The following TXNRD1 variants were observed in gnomAD, a reference collection of about 807,000 sequenced individuals.
TXNRD1 encodes the protein thioredoxin reductase 1, cytoplasmic.
TXNRD1 carries 57 observed loss-of-function variants against 80.3 expected under a neutral mutation model. That is an observed-to-expected ratio of 0.71 (90% CI 0.57 to 0.89). The LOEUF (loss-of-function observed/expected upper bound fraction) is 0.89. Among genes scored for constraint, TXNRD1 ranks in the 40% least tolerant of loss-of-function variants. The pLI, the probability that TXNRD1 is intolerant of heterozygous loss-of-function variation, is 0.00. For missense variants in TXNRD1, 730 were observed against 803.0 expected, an observed-to-expected ratio of 0.91 and a Z score of 1.10; for synonymous variants, 291 against 285.2, an observed-to-expected ratio of 1.02 and a Z score of -0.20.
chr12:104,242,757 C>T (rs1469046502), intron 1 of TXNRD1, among the ~76,000 whole-genome samples: 1 of 152,080 alleles, frequency 6.6e-6, no homozygotes, highest in African/African-American at 2.4e-5. Flanking sequence ...CAAGACTAAC[C>T]CCCACCCTCT....
intron 1 of TXNRD1, among the ~76,000 whole-genome samples, chr12:104,219,713 C>A (rs2032306148): frequency 6.6e-6 from 1 of 152,150 alleles, no homozygotes; most frequent in Non-Finnish European, 1.5e-5. Context: ...TATCTTATCT[C>A]CTACAGTCCT....
intron 4 of TXNRD1, chr12:104,304,109 G>T: frequency 6.2e-7 from 1 of 1,614,026 alleles, no homozygotes; most frequent in Admixed American, 1.7e-5. Flanking sequence ...GGAGGACATC[G>T]TGAGCTCGGC....
intron 14 of TXNRD1, 32 bp from the exon 15 acceptor site, chr12:104,334,205 T>A: frequency 2.5e-6 from 3 of 1,180,472 alleles, no homozygotes; most frequent in Non-Finnish European, 3.5e-6. Flanking sequence ...TTTAAAATAA[T>A]GGGTCTAAAT....
chr12:104,235,816 T>A (rs1416429892), intron 1 of TXNRD1, among the ~76,000 whole-genome samples: 10 of 152,182 alleles, frequency 6.6e-5, no homozygotes, highest in Admixed American at 6.5e-4. Flanking sequence ...TTGTTTCATG[T>A]CCTTGGGAAC....
chr12:104,290,847 G>A, intron 4 of TXNRD1: 1 of 452,698 alleles, frequency 2.2e-6, no homozygotes, highest in Non-Finnish European at 3.9e-6. Flanking sequence ...TGATCTTTAT[G>A]TAATTCTACT....
In TXNRD1 at chr12:104,319,534, A is replaced by G; in HGVS notation, c.938A>G (p.Glu313Gly). ...GAGAGATTTCTCATTGCCACTGGTG[A>G]AAGACCACGTTACTTGGGCATCCCT... is the stretch of plus-strand genomic sequence containing the variant. ...SAERFLIATG[E>G]RPRYLGIPGD... The change falls in exon 9 of 17, where the codon GAA becomes GGA. Residue 313 changes from glutamate to glycine, a missense_variant. Transcript: ENST00000525566. The G allele has an allele frequency of 6.2e-7, 1 of 1,605,914 alleles. No individual in the cohort carries two copies. Among genetic ancestry groups the G allele is most frequent in the Non-Finnish European group, 8.5e-7 (1 of 1,176,072 alleles).
intron 1 of TXNRD1, chr12:104,224,866 C>G: frequency 2.2e-6 from 1 of 456,676 alleles, no homozygotes; most frequent in Middle Eastern, 3.3e-4. Flanking sequence ...CTGCCCCTGA[C>G]TCACTGGAAT....
At chr12:104,265,267 A>T in intron 3 of TXNRD1, 8 of 1,527,176 alleles carry the variant, frequency 5.2e-6, no homozygotes, top group Non-Finnish European at 6.2e-6. Context: ...AAAAAAAAAA[A>T]AACTTCCTTT....
At chr12:104,226,582 G>A (rs899467095) in intron 1 of TXNRD1, among the ~76,000 whole-genome samples, 1 of 152,200 alleles carries the variant, frequency 6.6e-6, no homozygotes, top group African/African-American at 2.4e-5. Context: ...GAGAATTAGA[G>A]TGAAGAGAAC....
intron 1 of TXNRD1, chr12:104,224,779 C>G (rs757836394): frequency 6.6e-6 from 3 of 454,076 alleles, no homozygotes; most frequent in South Asian, 4.7e-5. Context: ...CAAGTTATTC[C>G]CTCCTGATTT....
rs534870248 is a variant in TXNRD1, at chr12:104,303,826, G to C, written c.415-7464G>C. The C allele has an allele frequency of 4.2e-6, 6 of 1,423,326 alleles. No homozygotes were observed. The African/African-American group carries it at 8.6e-5, about 20-fold the overall frequency. 88.2% of individuals were successfully genotyped at this position (1,423,326 alleles called of 1,614,324 possible). On this transcript the variant is annotated intron_variant, in intron 4 of 16. Transcript: ENST00000525566. Reference sequence around the variant, plus strand: ...CAGAGATACCCGTGGCCGGCATGTTGGTTGAAAAAGCTTCCCGGAAGGGAG... The same window carrying C: ...CAGAGATACCCGTGGCCGGCATGTTCGTTGAAAAAGCTTCCCGGAAGGGAG...
chr12:104,265,983 A>C, intron 3 of TXNRD1: 5 of 600,668 alleles, frequency 8.3e-6, no homozygotes, highest in Admixed American at 3.2e-5. Flanking sequence ...AGAAATAATA[A>C]TAGGTTTTTA....
intron 1 of TXNRD1, among the ~76,000 whole-genome samples, chr12:104,248,063 A>G (rs1298933389): frequency 6.6e-6 from 1 of 152,210 alleles, no homozygotes; most frequent in Non-Finnish European, 1.5e-5. Context: ...TACTTTTTAA[A>G]ATAAGAAAAA....
At chr12:104,286,091 C>T (rs1372660356) in intron 3 of TXNRD1, 1 of 152,196 alleles carries the variant, frequency 6.6e-6, no homozygotes, top group African/African-American at 2.4e-5. Flanking sequence ...GGGAGTGTGG[C>T]TTCTGCTGGC....
chr12:104,303,814 G>T, intron 4 of TXNRD1: 3 of 1,400,028 alleles, frequency 2.1e-6, no homozygotes, highest in Non-Finnish European at 2.8e-6. Context: ...AGATACCCGT[G>T]GCCGGCATGT....
intron 4 of TXNRD1, chr12:104,303,596 G>A (rs2034732222): frequency 3.3e-6 from 1 of 303,754 alleles, no homozygotes; most frequent in Non-Finnish European, 6.0e-6. Context: ...TGTGAGGTCA[G>A]GGCCCATCAT....
At chr12:104,246,341 TGGCATGAACCTGGGA>T (rs1345473787) in intron 1 of TXNRD1, among the ~76,000 whole-genome samples, 1 of 148,780 alleles carries the variant, frequency 6.7e-6, no homozygotes, top group Non-Finnish European at 1.5e-5. Context: ...GGCAGGAGAA[TGGCATGAACCTGGGA>T]GGCGGAACTT....
chr12:104,291,406 G>A (rs897287096), intron 4 of TXNRD1, among the ~76,000 whole-genome samples: 1 of 149,890 alleles, frequency 6.7e-6, no homozygotes, highest in Non-Finnish European at 1.5e-5. Context: ...TCACCATGTT[G>A]GTCAGGCTGG....
intron 3 of TXNRD1, among the ~76,000 whole-genome samples, chr12:104,267,036 G>A (rs1465919506): frequency 2.7e-5 from 4 of 149,666 alleles, no homozygotes; most frequent in East Asian, 3.9e-4. Flanking sequence ...GCCTGGTGGC[G>A]GGCACCTGTA....
Sources: allele counts gnomAD v4.1 joint callset (sites outside exome capture counted in the v4.1 genomes callset), GRCh38; gene constraint gnomAD v4.1.1; transcripts MANE v1.5; gene names NCBI Gene and HGNC (gene_info 2026-07-23, HGNC 2026-07-21).